Variants in KATNIP observed in about 807,000 individuals in gnomAD.
KATNIP encodes the protein katanin interacting protein.
In KATNIP, 126 loss-of-function variants were observed where a neutral mutation model predicts 174.0. The observed-to-expected ratio is 0.72, with a 90% CI of 0.63 to 0.84. The LOEUF (loss-of-function observed/expected upper bound fraction) is 0.84. KATNIP is among the 40% of genes least tolerant of loss of function. The pLI is 0.00. For missense variants in KATNIP, 1,958 were observed against 2,109.7 expected, an observed-to-expected ratio of 0.93 and a Z score of 1.41; for synonymous variants, 810 against 835.7, an observed-to-expected ratio of 0.97 and a Z score of 0.53.
At chr16:27,690,306 A>AC (rs917975052) in intron 8 of KATNIP, among the ~76,000 whole-genome samples, 1 of 148,852 alleles carries the variant, frequency 6.7e-6, no homozygotes, top group African/African-American at 2.5e-5. Context: ...ACAGAGTGAG[A>AC]CCCCATCTCA....
In KATNIP at chr16:27,778,688, T is replaced by C; in HGVS notation, c.*59T>C. The C allele has an allele frequency of 6.6e-7, 1 of 1,522,304 alleles. No individual in the cohort carries two copies. The highest frequency in any genetic ancestry group is 9.1e-7 in the Non-Finnish European group (1 of 1,104,784). 94.3% of individuals were successfully genotyped at this position (1,522,304 alleles called of 1,614,324 possible). A position where few individuals can be genotyped will look rare whatever the true frequency, so the allele number is the denominator to read the frequency against. On this transcript the variant is annotated 3_prime_UTR_variant, in exon 28 of 28. Coordinates refer to ENST00000261588, the MANE Select transcript of KATNIP (RefSeq NM_015202.5). ...TGGTGGGCTCCGTCAGCAGCCCCAC[T>C]CAGTGCCTGCGTCCCTCACCCTCAG...
chr16:27,751,790 G>A lies in KATNIP; in HGVS notation c.3418G>A (p.Asp1140Asn). Residue 1140 changes from aspartate (D) to asparagine (N), a missense_variant, in exon 17 of 28, where the codon GAT becomes AAT. Transcript: ENST00000261588. ...CATTCTCGAGGCCATATTCTATTCT[G>A]ATGAGATGTTTGACCTGGATGTGGG... ...DDILEAIFYS[D>N]EMFDLDVGSL... 1 of 1,614,236 alleles carries A rather than the reference G, an allele frequency of 6.2e-7. No individual in the cohort carries two copies. Among genetic ancestry groups the A allele is most frequent in the African/African-American group, 1.3e-5 (1 of 75,050 alleles).
chr16:27,748,875 G>T (rs946936865), intron 15 of KATNIP, among the ~76,000 whole-genome samples: 1 of 152,110 alleles, frequency 6.6e-6, no homozygotes, highest in African/African-American at 2.4e-5. Flanking sequence ...AGTCCTTCCT[G>T]CTCCCCACCC....
chr16:27,623,252 A>G (rs1336159273), intron 3 of KATNIP, among the ~76,000 whole-genome samples: 1 of 152,218 alleles, frequency 6.6e-6, no homozygotes, highest in Non-Finnish European at 1.5e-5. Flanking sequence ...CCCACGGGCC[A>G]GAACTCAAAT....
chr16:27,703,750 C>T (rs767067050), intron 11 of KATNIP, 146 bp from the exon 12 acceptor site: 16 of 644,436 alleles, frequency 2.5e-5, no homozygotes, highest in Middle Eastern at 2.6e-4. Flanking sequence ...AAACAGCAAG[C>T]CTGCCCTTGC....
At chr16:27,618,332 C>T in intron 2 of KATNIP, 93 bp from the exon 3 acceptor site, 1 of 998,038 alleles carries the variant, frequency 1.0e-6, no homozygotes, top group Non-Finnish European at 1.6e-6. Context: ...GCCTCCGCCT[C>T]TCAGCCTGCT....
At chr16:27,634,997 G>T (rs2076592834) in intron 5 of KATNIP, among the ~76,000 whole-genome samples, 1 of 152,180 alleles carries the variant, frequency 6.6e-6, no homozygotes, top group Admixed American at 6.5e-5. Flanking sequence ...GTGGAAGAGT[G>T]CAGGGGGAAG....
rs1472308393 is a variant in KATNIP, at chr16:27,750,222, G to A, written c.3262G>A (p.Gly1088Ser). Residue 1088 changes from glycine (G) to serine (S), a missense_variant, in exon 16 of 28, where the codon GGC becomes AGC. Gly to Ser is a moderately conservative substitution (Grantham distance 56). Around this residue, in one of 3 missense-constraint regions of KATNIP, gnomAD observed 1,557 missense variants for 1,617.8 expected, o/e 0.96. Transcript: ENST00000261588. ...YNKSRIHSFR[G>S]VKDITMLLDT... ...TAAATCTCGGATACATTCCTTCCGA[G>A]GCGTGAAGGACATCACAATGCTGTT... The A allele has an allele frequency of 6.2e-7, 1 of 1,614,014 alleles. No homozygotes were observed. The highest frequency in any genetic ancestry group is 1.1e-5 in the South Asian group (1 of 91,072).
intron 1 of KATNIP, among the ~76,000 whole-genome samples, chr16:27,561,098 G>A (rs997440845): frequency 6.6e-6 from 1 of 151,040 alleles, no homozygotes; most frequent in Admixed American, 6.6e-5. Flanking sequence ...TGCAACCTCC[G>A]CCTCCTGGGT....
intron 21 of KATNIP, 147 bp downstream of exon 21, chr16:27,770,165 C>A: frequency 1.0e-6 from 1 of 974,094 alleles, no homozygotes; most frequent in Non-Finnish European, 1.5e-6. Context: ...TAAAGCTCAG[C>A]CAAGCCTCAC....
In KATNIP at chr16:27,721,657, G is replaced by A. The variant is rs748880331; in HGVS notation, c.1705G>A (p.Ala569Thr). The A allele has an allele frequency of 6.2e-7, 1 of 1,614,110 alleles. No individual in the cohort carries two copies. Among genetic ancestry groups the A allele is most frequent in the Admixed American group, 1.7e-5 (1 of 60,016 alleles). ...AAGACAGCTGGGGGACTTCCATCTG[G>A]CCAAGATCAAGGTTCGGAATTACTG... is the stretch of plus-strand genomic sequence containing the variant. Reference protein sequence around the residue: ...NTRQLGDFHLAKIKVRNYWTA... With the variant: ...NTRQLGDFHLTKIKVRNYWTA... The change falls in exon 14 of 28, where the codon GCC becomes ACC. Residue 569 changes from alanine to threonine, a missense_variant. Transcript: ENST00000261588.
At chr16:27,595,139 C>A (rs1171195029) in intron 2 of KATNIP, among the ~76,000 whole-genome samples, 1 of 152,120 alleles carries the variant, frequency 6.6e-6, no homozygotes, top group Non-Finnish European at 1.5e-5. Flanking sequence ...AATCCTAGCA[C>A]TTTGGGAGGC....
chr16:27,678,018 A>T (rs757844214), intron 7 of KATNIP, 22 bp downstream of exon 7: 7 of 1,605,700 alleles, frequency 4.4e-6, no homozygotes, highest in Non-Finnish European at 5.1e-6. Context: ...CTTGTATATC[A>T]TTTCTTTGCC....
intron 1 of KATNIP, among the ~76,000 whole-genome samples, chr16:27,563,013 G>A (rs924565154): frequency 6.6e-5 from 10 of 152,066 alleles, no homozygotes; most frequent in Admixed American, 4.6e-4. Context: ...TCATTTACTC[G>A]TTCATCCATT....
intron 19 of KATNIP, among the ~76,000 whole-genome samples, chr16:27,764,111 A>T (rs1159992922): frequency 6.6e-6 from 1 of 152,190 alleles, no homozygotes; most frequent in Non-Finnish European, 1.5e-5. Context: ...TTCACCTACT[A>T]TTCTTTTTTA....
chr16:27,654,652 C>T (rs1041360161), intron 6 of KATNIP: 14 of 1,351,986 alleles, frequency 1.0e-5, no homozygotes, highest in Non-Finnish European at 1.4e-5. Context: ...GTTTTAACTT[C>T]TCCCTTCTGA....
intron 3 of KATNIP, among the ~76,000 whole-genome samples, chr16:27,625,103 C>T (rs1285961968): frequency 6.6e-6 from 1 of 152,190 alleles, no homozygotes; most frequent in Non-Finnish European, 1.5e-5. Flanking sequence ...GCTTTTTATG[C>T]AAAGTAGGCT....
At position 27,777,131 on chromosome 16, in the gene KATNIP, G is replaced by T. The variant is rs1056597623; in HGVS notation, c.4551+102G>T. 24 of 795,462 alleles carry T rather than the reference G, an allele frequency of 3.0e-5. No individual in the cohort carries two copies. The highest frequency in any genetic ancestry group is 2.3e-4 in the Middle Eastern group (1 of 4,356). The allele number at this position is 795,462 out of a possible 1,614,324, so 49.3% of individuals were successfully genotyped here. A position where few individuals can be genotyped will look rare whatever the true frequency, so the allele number is the denominator to read the frequency against. ...GCAGTTTGATTTACTTCTCTCTGTTGCAACCCTCAACACAAATGCCTGGTC... is the reference window on the plus strand; with the variant it reads ...GCAGTTTGATTTACTTCTCTCTGTTTCAACCCTCAACACAAATGCCTGGTC... On this transcript the variant is annotated intron_variant, in intron 25 of 27. Coordinates refer to ENST00000261588, the MANE Select transcript of KATNIP (RefSeq NM_015202.5). This position sits in a 1 kb window ranked among gnomAD's most constrained non-coding sequence, Gnocchi z 4.4.
At chr16:27,669,264 A>G (rs1167343769) in intron 6 of KATNIP, 1 of 985,138 alleles carries the variant, frequency 1.0e-6, no homozygotes, top group East Asian at 1.1e-4. Flanking sequence ...TGGTTCTTCT[A>G]GAAACTACCT....
Sources: gnomAD v4.1 joint callset for allele counts (sites outside exome capture counted in the v4.1 genomes callset) on GRCh38, gnomAD v4.1.1 for gene constraint, gnomAD v4.1.1 regional missense constraint, Gnocchi (gnomAD v3.1) non-coding constraint, MANE v1.5 for transcripts, NCBI Gene and HGNC (gene_info 2026-07-23, HGNC 2026-07-21) for gene names.